Variants in FBXL19 observed in about 807,000 individuals in gnomAD.
FBXL19 encodes F-box/LRR-repeat protein 19.
In FBXL19, 16 loss-of-function variants were observed where a neutral mutation model predicts 71.2. The observed-to-expected ratio is 0.22, with a 90% confidence interval of 0.15 to 0.34. The LOEUF is 0.34. Among genes scored for constraint, FBXL19 ranks in the 10% least tolerant of loss-of-function variants. The probability of loss-of-function intolerance (pLI) is 1.00; values close to 1 mark genes in which losing one functional copy is unlikely to be tolerated. For missense variants in FBXL19, 658 were observed against 968.2 expected, an observed-to-expected ratio of 0.68 and a Z score of 4.25; for synonymous variants, 447 against 409.4, an observed-to-expected ratio of 1.09 and a Z score of -1.11.
At chr16:30,924,636 T>C in intron 1 of FBXL19, 177 bp downstream of exon 1, 1 of 1,390,136 alleles carries the variant, frequency 7.2e-7, no homozygotes, top group Non-Finnish European at 9.3e-7. Context: ...CCCTCCTTCC[T>C]AGACCCTGCT....
Position 30,942,440 on chromosome 16 carries a change from C to T in FBXL19, c.1531C>T (p.Leu511=). 2 of 1,607,358 alleles carry T rather than the reference C, an allele frequency of 1.2e-6. No homozygotes were observed. The highest frequency in any genetic ancestry group is 1.7e-6 in the Non-Finnish European group (2 of 1,177,306). Residue 511 remains leucine (L), a synonymous_variant, in exon 9 of 11, where the codon CTG becomes TTG. Coordinates refer to ENST00000338343, the MANE Select transcript of FBXL19 (RefSeq NM_001382779.1). This position sits in a 1 kb window ranked among gnomAD's most constrained non-coding sequence, Gnocchi z 5.7. ...TGTCTCTGCCCTGGGCTCAGCCCCA[C>T]TGCCAGCCCTGCGGCTCCTGGACCT... ...LSVSALGSAP[L]PALRLLDLRW...
chr16:30,940,932 G>A (rs2055795720), intron 7 of FBXL19, among the ~76,000 whole-genome samples: 1 of 152,052 alleles, frequency 6.6e-6, no homozygotes, highest in African/African-American at 2.4e-5. Context: ...GCCTCCCAAA[G>A]TGCTGGGATT....
chr16:30,946,811 G>A lies in FBXL19; in HGVS notation c.1709G>A (p.Arg570His), dbSNP rs370195680. The change falls in exon 10 of 11, where the codon CGT becomes CAT. Residue 570 changes from arginine to histidine, a missense_variant. Arg to His is a conservative substitution (Grantham distance 29, BLOSUM62 0). Coordinates refer to ENST00000338343, the MANE Select transcript of FBXL19 (RefSeq NM_001382779.1). This position sits in a 1 kb window ranked among gnomAD's most constrained non-coding sequence, Gnocchi z 6.7. The stretch of plus-strand genomic sequence containing the variant: ...TTGGAGCTGACAGATGCCTCCCTGC[G>A]TCTCCTGCTGCGTCACGCACCCCAG... ...AGLELTDASL[R>H]LLLRHAPQLS... 13 of 1,612,924 alleles carry A rather than the reference G, an allele frequency of 8.1e-6. No individual in the cohort carries two copies. Among genetic ancestry groups the A allele is most frequent in the African/African-American group, 8.0e-5 (6 of 74,890 alleles).
chr16:30,927,925 A>G lies in FBXL19; in HGVS notation c.589A>G (p.Arg197Gly). The part of the protein sequence containing the change: ...DVPGPPKRKE[R>G]EAGNEPPTPR... ...GCCTGGGCCCCCCAAACGAAAGGAA[A>G]GGGAGGCAGGGAATGAGCCTCCCAC... Residue 197 changes from arginine to glycine, a missense_variant, in exon 5 of 11, where the codon AGG (arginine) becomes GGG (glycine). Physicochemically the swap from Arg to Gly is moderately radical, Grantham distance 125. Around this residue, in one of 8 missense-constraint regions of FBXL19, gnomAD observed 447 missense variants for 515.4 expected, o/e 0.87. Coordinates refer to ENST00000338343, the MANE Select transcript of FBXL19 (RefSeq NM_001382779.1). 6.5e-7 allele frequency: 1 copy of G among 1,541,646 alleles called. No homozygotes were observed. The highest frequency in any genetic ancestry group is 8.7e-7 in the Non-Finnish European group (1 of 1,151,910).
rs185704759 is a variant in FBXL19, at chr16:30,942,954, C to T, written c.1627+418C>T. ...GTCCCTCTCAGCTTTGAGAGCAGCC[C>T]GCCAGCATAATACTGGGCAATTGTG... On this transcript the variant is annotated intron_variant, in intron 9 of 10. Transcript: ENST00000338343. The surrounding 1 kb of genome is among the most constrained non-coding windows in gnomAD (Gnocchi z 5.7). Among the ~76,000 whole-genome samples, 10 of 152,350 alleles carry T rather than the reference C, an allele frequency of 6.6e-5. No homozygotes were observed. In the East Asian group the frequency reaches 1.2e-3, roughly 18 times the overall value.
rs544029840 is a variant in FBXL19, at chr16:30,929,981, C to T, written c.790-92C>T. 30 of 1,500,830 alleles carry T rather than the reference C, an allele frequency of 2.0e-5. No individual in the cohort carries two copies. The African/African-American group carries it at 2.2e-4, about 11-fold the overall frequency. 93.0% of individuals were successfully genotyped at this position (1,500,830 alleles called of 1,614,324 possible). A position where few individuals can be genotyped will look rare whatever the true frequency, so the allele number is the denominator to read the frequency against. ...AGGGCTGGAACTCAGGACTGTCCCT[C>T]GGGCTGTTCATCCCCTGGTGACTCC... On this transcript the variant is annotated intron_variant, in intron 6 of 10. Transcript: ENST00000338343.
intron 9 of FBXL19, among the ~76,000 whole-genome samples, chr16:30,945,849 G>GAAAAAAAAAA (rs11464927): frequency 1.2e-5 from 1 of 86,820 alleles, no homozygotes. Flanking sequence ...CCGTCTCGGG[G>GAAAAAAAAAA]AAAAAAAAAA....
Position 30,942,096 on chromosome 16 carries a change from C to T in FBXL19, c.1302-20C>T, listed in dbSNP as rs2055808517. 3.0e-5 allele frequency: 46 copies of T among 1,542,374 alleles called. No homozygotes were observed. Among genetic ancestry groups the T allele is most frequent in the Non-Finnish European group, 3.9e-5 (45 of 1,139,610 alleles). On this transcript the variant is annotated intron_variant, in intron 7 of 10. Coordinates refer to ENST00000338343, the MANE Select transcript of FBXL19 (RefSeq NM_001382779.1). The surrounding 1 kb of genome is among the most constrained non-coding windows in gnomAD (Gnocchi z 5.7). ...GAGAGCTGAGGGCTGAGGTCTCTGT[C>T]TCCCCCCTATGGCCGCCAGGTGCTA... is the stretch of plus-strand genomic sequence containing the variant.
chr16:30,941,570 G>A (rs1006093187), intron 7 of FBXL19, among the ~76,000 whole-genome samples: 1 of 152,192 alleles, frequency 6.6e-6, no homozygotes, highest in African/African-American at 2.4e-5. Context: ...TATTAGGGCT[G>A]TAAGTCCAGC....
At chr16:30,943,067 G>A (rs891429769) in intron 9 of FBXL19, among the ~76,000 whole-genome samples, 1 of 152,256 alleles carries the variant, frequency 6.6e-6, no homozygotes, top group Admixed American at 6.5e-5. Flanking sequence ...CACGTTCTCA[G>A]TGGCTGCTCC....
rs1386536405 is a variant in FBXL19, at chr16:30,930,347, C to T, written c.1064C>T (p.Pro355Leu). Residue 355 changes from proline (P) to leucine (L), a missense_variant, in exon 7 of 11, where the codon CCT becomes CTT. Pro to Leu is a moderately conservative substitution (Grantham distance 98). This residue lies in a region of FBXL19 where 447 missense variants were observed against 515.4 expected (regional missense o/e 0.87). Coordinates refer to ENST00000338343, the MANE Select transcript of FBXL19 (RefSeq NM_001382779.1). The surrounding 1 kb of genome is among the most constrained non-coding windows in gnomAD (Gnocchi z 8.5). ...CGTGGGGGGCGGCGGGCTGTGCGCCCTGGCAGTGGGGGGCCCCTACTCAGC... is the reference window on the plus strand; with the variant it reads ...CGTGGGGGGCGGCGGGCTGTGCGCCTTGGCAGTGGGGGGCCCCTACTCAGC... Reference protein sequence around the residue: ...ENRGGRRAVRPGSGGPLLSWP... With the variant: ...ENRGGRRAVRLGSGGPLLSWP... 5 of 1,585,232 alleles carry T rather than the reference C, an allele frequency of 3.2e-6. No individual in the cohort carries two copies. The highest frequency in any genetic ancestry group is 3.4e-6 in the Non-Finnish European group (4 of 1,168,062).
Position 30,947,834 on chromosome 16 carries a change from T to TC in FBXL19, c.*610dup. 1 of 447,290 alleles carries TC rather than the reference T, an allele frequency of 2.2e-6. No individual in the cohort carries two copies. The highest frequency in any genetic ancestry group is 1.6e-5 in the South Asian group (1 of 63,472). The allele number at this position is 447,290 out of a possible 1,614,324, so 27.7% of individuals were successfully genotyped here. A position where few individuals can be genotyped will look rare whatever the true frequency, so the allele number is the denominator to read the frequency against. ...CCCCCTTGGGGGTCACCTCTCTGCT[T>TC]CCCCCCTCCCCAGGCTTCAGTTCCT... On this transcript the variant is annotated 3_prime_UTR_variant, in exon 11 of 11. Coordinates refer to ENST00000338343, the MANE Select transcript of FBXL19 (RefSeq NM_001382779.1).
At chr16:30,933,134 G>A (rs1388595999) in intron 7 of FBXL19, among the ~76,000 whole-genome samples, 1 of 152,006 alleles carries the variant, frequency 6.6e-6, no homozygotes, top group East Asian at 1.9e-4. Context: ...CTGAGTAGCT[G>A]GGACTACAGG....
chr16:30,937,725 CATCA>C (rs1218004989), intron 7 of FBXL19, among the ~76,000 whole-genome samples: 1 of 152,134 alleles, frequency 6.6e-6, no homozygotes, highest in Non-Finnish European at 1.5e-5. Context: ...AACGTGTTGG[CATCA>C]GACAGCACTG....
intron 7 of FBXL19, among the ~76,000 whole-genome samples, chr16:30,937,154 C>T (rs1267189074): frequency 6.6e-6 from 1 of 152,042 alleles, no homozygotes; most frequent in Non-Finnish European, 1.5e-5. Flanking sequence ...ACAGTGAACC[C>T]TGGATGATGG....
At chr16:30,933,597 A>G (rs1056391944) in intron 7 of FBXL19, among the ~76,000 whole-genome samples, 1 of 149,392 alleles carries the variant, frequency 6.7e-6, no homozygotes, top group Non-Finnish European at 1.5e-5. Flanking sequence ...TTGCAGGCAC[A>G]TGCCACTGTG....
Position 30,942,075 on chromosome 16 carries a change from G to T in FBXL19, c.1302-41G>T, listed in dbSNP as rs752552735. Reference sequence around the variant, plus strand: ...GCCTGGGAACTGTGGGCTGCTGAGAGCTGAGGGCTGAGGTCTCTGTCTCCC... The same window carrying T: ...GCCTGGGAACTGTGGGCTGCTGAGATCTGAGGGCTGAGGTCTCTGTCTCCC... On this transcript the variant is annotated intron_variant, in intron 7 of 10. Transcript: ENST00000338343. This position sits in a 1 kb window ranked among gnomAD's most constrained non-coding sequence, Gnocchi z 5.7. The T allele has an allele frequency of 2.7e-6, 4 of 1,496,072 alleles. No homozygotes were observed. The highest frequency in any genetic ancestry group is 2.7e-6 in the Non-Finnish European group (3 of 1,118,362). 92.7% of individuals were successfully genotyped at this position (1,496,072 alleles called of 1,614,324 possible). A position where few individuals can be genotyped will look rare whatever the true frequency, so the allele number is the denominator to read the frequency against.
intron 7 of FBXL19, among the ~76,000 whole-genome samples, chr16:30,938,455 A>G (rs1034168596): frequency 1.3e-5 from 2 of 152,130 alleles, no homozygotes; most frequent in African/African-American, 2.4e-5. Context: ...GCAGTGAGCT[A>G]TGATTGCATC....
At chr16:30,924,578 C>T (rs1390305058) in intron 1 of FBXL19, 119 bp downstream of exon 1, 4 of 1,348,774 alleles carry the variant, frequency 3.0e-6, no homozygotes, top group Non-Finnish European at 3.8e-6. Context: ...CTACTCCAAA[C>T]TCATCTCCAG....
Sources: gnomAD v4.1 joint callset for allele counts (sites outside exome capture counted in the v4.1 genomes callset) on GRCh38, gnomAD v4.1.1 for gene constraint, gnomAD v4.1.1 regional missense constraint, Gnocchi (gnomAD v3.1) non-coding constraint, MANE v1.5 for transcripts, NCBI Gene and HGNC (gene_info 2026-07-23, HGNC 2026-07-21) for gene names.